The following ADGRG4 variants were observed in gnomAD, a reference collection of about 807,000 sequenced individuals.
ADGRG4 encodes adhesion G protein-coupled receptor G4.
Under a neutral mutation model 126.2 loss-of-function variants are expected in ADGRG4, and 122 were observed. That is an observed-to-expected ratio of 0.97 (90% CI 0.83 to 1.12). ADGRG4 has a LOEUF of 1.12. ADGRG4 is among the 50% of genes most tolerant of loss of function. ADGRG4 has a pLI of 0.00. For missense variants in ADGRG4, 2,481 were observed against 2,251.8 expected (o/e 1.10, Z -2.06); for synonymous variants, 943 against 838.7 (o/e 1.12, Z -2.15).
chrX:136,317,016 A>G (rs943277236), intron 4 of ADGRG4, among the ~76,000 whole-genome samples: 2 of 111,519 alleles, frequency 1.8e-5, no homozygotes, highest in African/African-American at 6.5e-5. Context: ...ACAACTATTT[A>G]TTCAGTAAAC....
chrX:136,394,746 GC>G (rs1381593066), intron 18 of ADGRG4, among the ~76,000 whole-genome samples: 1 of 112,280 alleles, frequency 8.9e-6, no homozygotes, highest in Non-Finnish European at 1.9e-5. Flanking sequence ...ACCAAACTTA[GC>G]TGCCTGCCCG....
At chrX:136,342,882 G>A (rs1438769340) in intron 5 of ADGRG4, among the ~76,000 whole-genome samples, 2 of 60,095 alleles carry the variant, frequency 3.3e-5, no homozygotes, top group Non-Finnish European at 5.8e-5. Flanking sequence ...AGAGCTCAGT[G>A]TGTGTGTGTG....
chrX:136,314,587 A>G (rs962157504), intron 4 of ADGRG4, among the ~76,000 whole-genome samples: 21 of 112,204 alleles, frequency 1.9e-4, no homozygotes, highest in African/African-American at 6.8e-4. Context: ...TCTTTCTCAG[A>G]GAGGCCTTTC....
chrX:136,383,332 C>A (rs751410599), intron 15 of ADGRG4, among the ~76,000 whole-genome samples: 2 of 111,745 alleles, frequency 1.8e-5, no homozygotes, highest in Admixed American at 9.5e-5. Context: ...TTATTAAGCA[C>A]ATATACATTT....
At chrX:136,316,400 A>G (rs779417873) in intron 4 of ADGRG4, among the ~76,000 whole-genome samples, 5 of 111,605 alleles carry the variant, frequency 4.5e-5, no homozygotes, top group African/African-American at 9.8e-5. Context: ...CTGAAAAAAA[A>G]AAACAAACCA....
At chrX:136,377,747 A>G (rs1275506333) in intron 15 of ADGRG4, among the ~76,000 whole-genome samples, 2 of 111,327 alleles carry the variant, frequency 1.8e-5, no homozygotes, top group Admixed American at 1.9e-4. Context: ...CATTTGTTGA[A>G]AAGACTTTTC....
chrX:136,309,960 T>G (rs2074757497), intron 4 of ADGRG4, among the ~76,000 whole-genome samples: 1 of 110,795 alleles, frequency 9.0e-6, no homozygotes, highest in Admixed American at 9.7e-5. Context: ...TGTATGGTGG[T>G]GGGGTATATG....
rs141734679 is a variant in ADGRG4, at chrX:136,353,346, A to G, written c.6832A>G (p.Ile2278Val). 130 of 1,185,430 alleles carry G rather than the reference A, an allele frequency of 1.1e-4. No individual in the cohort carries two copies. Among genetic ancestry groups the G allele is most frequent in the Non-Finnish European group, 1.5e-4 (127 of 873,954 alleles). Reference protein sequence around the residue: ...NEFTENSLNSIFQNSEFSLAT... With the variant: ...NEFTENSLNSVFQNSEFSLAT... ...TTTTTGTCTTGTACAGTTGAATTCT[A>G]TATTTCAGAACAGTGAATTTTCTCT... The change falls in exon 8 of 26, where the codon ATA becomes GTA. Residue 2278 changes from isoleucine (I) to valine (V), a missense_variant. Ile to Val is a conservative substitution (Grantham distance 29, BLOSUM62 3). Coordinates refer to ENST00000394143, the MANE Select transcript of ADGRG4 (RefSeq NM_153834.4).
chrX:136,309,665 T>C (rs964714630), intron 4 of ADGRG4, among the ~76,000 whole-genome samples: 1 of 112,061 alleles, frequency 8.9e-6, no homozygotes, highest in African/African-American at 3.2e-5. Context: ...AAACACTGGC[T>C]TCTTGCTGCA....
chrX:136,365,804 T>A (rs1389802278), intron 13 of ADGRG4, among the ~76,000 whole-genome samples: 2 of 112,457 alleles, frequency 1.8e-5, no homozygotes, highest in Admixed American at 9.4e-5. Flanking sequence ...CTAATTTTAG[T>A]AATTTGTGTC....
chrX:136,319,721 A>G (rs2074827354), intron 4 of ADGRG4, among the ~76,000 whole-genome samples: 1 of 108,613 alleles, frequency 9.2e-6, no homozygotes, highest in Non-Finnish European at 1.9e-5. Flanking sequence ...CTATCTATCT[A>G]TCTATCTATC....
rs151138365 is a variant in ADGRG4, at chrX:136,390,071, G to T, written c.7912-2161G>T. Among the ~76,000 whole-genome samples the T allele has an allele frequency of 4.8e-4, 54 of 111,791 alleles. No individual in the cohort carries two copies. In the East Asian group the frequency reaches 0.015, roughly 31 times the overall value. ...TGTTTGTTTGTTTGTGTCTTTTAAA[G>T]ACAGGATCTCGCTCTGCCACCCAGG... On this transcript the variant is annotated intron_variant, in intron 16 of 25. Coordinates refer to ENST00000394143, the MANE Select transcript of ADGRG4 (RefSeq NM_153834.4).
At chrX:136,344,053 T>C (rs1281969556) in intron 5 of ADGRG4, among the ~76,000 whole-genome samples, 2 of 112,197 alleles carry the variant, frequency 1.8e-5, no homozygotes, top group Non-Finnish European at 3.8e-5. Flanking sequence ...TGAGTTCTTA[T>C]AGCTGTATTT....
intron 4 of ADGRG4, 91 bp from the exon 5 acceptor site, chrX:136,322,687 C>A: frequency 1.3e-6 from 1 of 799,766 alleles, no homozygotes; most frequent in Non-Finnish European, 1.8e-6. Flanking sequence ...TATTGTATAA[C>A]CCAGATTTGA....
chrX:136,397,148 C>G (rs1014275998), intron 19 of ADGRG4, among the ~76,000 whole-genome samples: 3 of 111,018 alleles, frequency 2.7e-5, no homozygotes, highest in African/African-American at 6.6e-5. Context: ...TAGCAGCATC[C>G]TTGGTCTTTC....
At chrX:136,344,341 C>T (rs751486845) in intron 5 of ADGRG4, 51 bp from the exon 6 acceptor site, 15 of 850,767 alleles carry the variant, frequency 1.8e-5, no homozygotes, top group South Asian at 1.1e-4. Flanking sequence ...CTAGTTGTCT[C>T]TAATTTCCAA....
At chrX:136,303,560 A>G (rs1285398187) in intron 1 of ADGRG4, among the ~76,000 whole-genome samples, 2 of 112,413 alleles carry the variant, frequency 1.8e-5, no homozygotes, top group East Asian at 5.5e-4. Context: ...AAATAATACT[A>G]CACACTGTTA....
chrX:136,327,302 A>T (rs888438334), intron 5 of ADGRG4, among the ~76,000 whole-genome samples: 1 of 110,744 alleles, frequency 9.0e-6, no homozygotes, highest in African/African-American at 3.3e-5. Flanking sequence ...GCACTGGGAG[A>T]TATACCTAGT....
chrX:136,375,089 G>C (rs2075217710), intron 15 of ADGRG4, among the ~76,000 whole-genome samples: 1 of 109,942 alleles, frequency 9.1e-6, no homozygotes, highest in Admixed American at 9.7e-5. Context: ...TTATGCCTTT[G>C]TGTCCCCATA....
Sources: gnomAD v4.1 joint callset for allele counts (sites outside exome capture counted in the v4.1 genomes callset) on GRCh38, gnomAD v4.1.1 for gene constraint, MANE v1.5 for transcripts, NCBI Gene and HGNC (gene_info 2026-07-23, HGNC 2026-07-21) for gene names.